The following SKAP1 variants were observed in gnomAD, a reference collection of about 807,000 sequenced individuals.
SKAP1 encodes src kinase-associated phosphoprotein 1.
In SKAP1, 44 loss-of-function variants were observed where a neutral mutation model predicts 58.5. The observed-to-expected ratio is 0.75, with a 90% CI of 0.59 to 0.97. SKAP1 has a LOEUF of 0.97. SKAP1 is among the 50% of genes least tolerant of loss of function. The pLI is 0.00. For synonymous variants in SKAP1, 127 were observed against 149.7 expected (o/e 0.85, Z 1.11); for missense variants, 390 against 435.2 (o/e 0.90, Z 0.92).
intron 3 of SKAP1, among the ~76,000 whole-genome samples, chr17:48,348,582 TA>T (rs2066754514): frequency 1.3e-5 from 2 of 152,146 alleles, no homozygotes; most frequent in African/African-American, 4.8e-5. Flanking sequence ...CCAAAACCAA[TA>T]AATTAACATT....
upstream of SKAP1, among the ~76,000 whole-genome samples, chr17:48,430,908 A>G (rs969793658): frequency 2.0e-5 from 3 of 152,094 alleles, no homozygotes; most frequent in African/African-American, 7.2e-5. Flanking sequence ...ACAAAATCAC[A>G]CGGTCTCATT....
intron 9 of SKAP1, among the ~76,000 whole-genome samples, chr17:48,173,187 A>AT (rs928415941): frequency 1.0e-4 from 3 of 29,830 alleles, no homozygotes; most frequent in Middle Eastern, 0.013. Flanking sequence ...CCTTGTCTCT[A>AT]AAAAAAAAAA....
intron 2 of SKAP1, among the ~76,000 whole-genome samples, chr17:48,366,019 G>T (rs1249028571): frequency 6.6e-6 from 1 of 152,008 alleles, no homozygotes; most frequent in East Asian, 1.9e-4. Context: ...ACAAAATAAG[G>T]CAGGTTGGAC....
intron 3 of SKAP1, 145 bp from the exon 4 acceptor site, chr17:48,346,151 AT>A: frequency 2.0e-6 from 1 of 491,050 alleles, no homozygotes; most frequent in Non-Finnish European, 3.6e-6. Flanking sequence ...CATGGCCACT[AT>A]CCATTAACAT....
chr17:48,190,333 C>T (rs191732159), intron 4 of SKAP1, among the ~76,000 whole-genome samples: 5 of 151,796 alleles, frequency 3.3e-5, no homozygotes, highest in African/African-American at 9.7e-5. Flanking sequence ...AGGATGGTCT[C>T]GATCTCCTGA....
chr17:48,248,689 T>G (rs1461637361), intron 4 of SKAP1, among the ~76,000 whole-genome samples: 3 of 151,680 alleles, frequency 2.0e-5, no homozygotes, highest in Non-Finnish European at 4.4e-5. Flanking sequence ...AGACAGCAAA[T>G]GACAAATGCA....
intron 3 of SKAP1, among the ~76,000 whole-genome samples, chr17:48,361,252 C>T (rs2144390526): frequency 6.7e-6 from 1 of 149,336 alleles, no homozygotes; most frequent in East Asian, 2.0e-4. Context: ...GTTGCCCAGG[C>T]TTGAGTGCAA....
intron 1 of SKAP1, among the ~76,000 whole-genome samples, chr17:48,397,996 ATAGT>A (rs1480679901): frequency 6.6e-6 from 1 of 152,218 alleles, no homozygotes; most frequent in Non-Finnish European, 1.5e-5. Context: ...TATAAATAAT[ATAGT>A]TAAAATTTTC....
At position 48,158,825 on chromosome 17, in the gene SKAP1, T is replaced by C. The variant is rs569962443; in HGVS notation, c.978+3644A>G. Among the ~76,000 whole-genome samples the C allele has an allele frequency of 5.0e-4, 75 of 151,364 alleles. 1 individual carries two copies. Among genetic ancestry groups the C allele is most frequent in the Admixed American group, 1.3e-3 (20 of 15,204 alleles). On this transcript the variant is annotated intron_variant, in intron 11 of 12. Transcript: ENST00000336915. ...AATACAAAAAATTAGCTGGGCGAGG[T>C]GGCGGGCGCCTGTAGTCCCAGCTAC...
chr17:48,345,849 G>T, intron 4 of SKAP1, 56 bp downstream of exon 4: 13 of 1,228,422 alleles, frequency 1.1e-5, no homozygotes, highest in Non-Finnish European at 1.4e-5. Context: ...AAAGATGTCA[G>T]GCCAGAAGAT....
rs554807168 is a variant in SKAP1 at position 48,135,216 on chromosome 17, C to A, written c.*8-1400G>T. 3.3e-5 allele frequency among the ~76,000 whole-genome samples: 5 copies of A among 152,306 alleles called. No individual in the cohort carries two copies. In the South Asian group the frequency reaches 8.3e-4, roughly 25 times the overall value. On this transcript the variant is annotated intron_variant, in intron 12 of 12. Coordinates refer to ENST00000336915, the MANE Select transcript of SKAP1 (RefSeq NM_003726.4). Reference sequence around the variant, plus strand: ...CTGCTGCAGCACACTAGAGTGGGCTCTGGTCTGGACTCCAAGGAATGTTTG... The same window carrying A: ...CTGCTGCAGCACACTAGAGTGGGCTATGGTCTGGACTCCAAGGAATGTTTG...
intron 4 of SKAP1, among the ~76,000 whole-genome samples, 153 bp from the exon 5 acceptor site, chr17:48,189,653 G>A (rs956092875): frequency 8.6e-5 from 13 of 151,528 alleles, no homozygotes; most frequent in Non-Finnish European, 1.0e-4. Flanking sequence ...TGATTGGAGG[G>A]AAAAGTAAAT....
chr17:48,280,323 A>T (rs1273610187), intron 4 of SKAP1, among the ~76,000 whole-genome samples: 1 of 151,990 alleles, frequency 6.6e-6, no homozygotes, highest in Non-Finnish European at 1.5e-5. Context: ...TACAAAAATC[A>T]GCTGGCTGTG....
intron 1 of SKAP1, among the ~76,000 whole-genome samples, chr17:48,421,170 T>C (rs1008681571): frequency 1.2e-4 from 19 of 152,118 alleles, no homozygotes; most frequent in African/African-American, 3.9e-4. Context: ...ATAATCAGAA[T>C]GAAGTTCAAA....
chr17:48,174,045 A>G (rs1215438059), intron 9 of SKAP1, among the ~76,000 whole-genome samples: 1 of 152,230 alleles, frequency 6.6e-6, no homozygotes, highest in Middle Eastern at 3.2e-3. Context: ...ACAGCACTTA[A>G]TCTAGTCATA....
upstream of SKAP1, among the ~76,000 whole-genome samples, chr17:48,434,268 C>T (rs1378018999): frequency 1.3e-5 from 2 of 152,170 alleles, no homozygotes; most frequent in South Asian, 2.1e-4. Context: ...TGCATCCTGT[C>T]GGTGCCAAGA....
At chr17:48,203,768 A>G (rs1269183001) in intron 4 of SKAP1, 1 of 152,192 alleles carries the variant, frequency 6.6e-6, no homozygotes, top group Non-Finnish European at 1.5e-5. Context: ...TTCAAGGAAA[A>G]AAAGAACTAA....
intron 3 of SKAP1, among the ~76,000 whole-genome samples, chr17:48,347,246 C>A (rs544749601): frequency 6.6e-6 from 1 of 152,194 alleles, no homozygotes; most frequent in Non-Finnish European, 1.5e-5. Flanking sequence ...GGATTTTCAA[C>A]TGAATTTAAT....
At chr17:48,259,251 G>C (rs1480630697) in intron 4 of SKAP1, among the ~76,000 whole-genome samples, 1 of 152,022 alleles carries the variant, frequency 6.6e-6, no homozygotes, top group Non-Finnish European at 1.5e-5. Flanking sequence ...ATTAGGCAAA[G>C]AGTGGTCACT....
Sources: allele counts gnomAD v4.1 joint callset (sites outside exome capture counted in the v4.1 genomes callset), GRCh38; gene constraint gnomAD v4.1.1; transcripts MANE v1.5; gene names NCBI Gene and HGNC (gene_info 2026-07-23, HGNC 2026-07-21).